Variants in DNAH6 observed in about 807,000 individuals in gnomAD.
DNAH6 encodes dynein axonemal heavy chain 6, also known as axonemal beta dynein heavy chain 6.
In DNAH6, 340 loss-of-function variants were observed where a neutral mutation model predicts 491.4. That is an observed-to-expected ratio of 0.69 (90% confidence interval 0.63 to 0.76). DNAH6 has a LOEUF of 0.76. Among genes scored for constraint, DNAH6 ranks in the 30% least tolerant of loss-of-function variants. The pLI is 0.00. For missense variants in DNAH6, 4,443 were observed against 4,972.2 expected, an observed-to-expected ratio of 0.89 and a Z score of 3.20; for synonymous variants, 1,603 against 1,686.1, an observed-to-expected ratio of 0.95 and a Z score of 1.21.
intron 29 of DNAH6, among the ~76,000 whole-genome samples, chr2:84,628,043 C>T (rs1458062853): frequency 3.3e-5 from 5 of 152,108 alleles, no homozygotes; most frequent in Non-Finnish European, 7.4e-5. Context: ...TCTAGAACCT[C>T]GCCAAGAAAA....
At chr2:84,730,562 AT>A (rs1391825909) in intron 61 of DNAH6, among the ~76,000 whole-genome samples, 1 of 151,646 alleles carries the variant, frequency 6.6e-6, no homozygotes, top group Non-Finnish European at 1.5e-5. Context: ...TAAAAAAAAA[AT>A]CTCAAAAAAA....
At chr2:84,813,895 G>T (rs983319054) in intron 74 of DNAH6, 76 bp from the exon 75 acceptor site, 4 of 1,474,992 alleles carry the variant, frequency 2.7e-6, no homozygotes, top group Non-Finnish European at 3.7e-6. Flanking sequence ...GGGCAGCCTG[G>T]TTTGGATGAA....
chr2:84,770,383 A>G (rs1000671589), intron 64 of DNAH6, among the ~76,000 whole-genome samples: 1 of 152,196 alleles, frequency 6.6e-6, no homozygotes, highest in African/African-American at 2.4e-5. Flanking sequence ...AATGCCAGAC[A>G]TTGGGCTTAC....
chr2:84,483,025 A>G, the DNAH6 span, among the ~76,000 whole-genome samples: 1 of 150,674 alleles, frequency 6.6e-6, no homozygotes. Flanking sequence ...CAGTGGTATG[A>G]TCATAGCTCA....
chr2:84,806,903 G>A (rs753470436), intron 71 of DNAH6, among the ~76,000 whole-genome samples: 1 of 152,142 alleles, frequency 6.6e-6, no homozygotes, highest in Non-Finnish European at 1.5e-5. Context: ...GAATTCTGTT[G>A]TTGAAGCAAA....
intron 14 of DNAH6, among the ~76,000 whole-genome samples, chr2:84,583,508 A>G (rs904451386): frequency 2.0e-5 from 3 of 152,224 alleles, no homozygotes; most frequent in Non-Finnish European, 2.9e-5. Context: ...TGACCGTAAC[A>G]TTATAATACA....
intron 4 of DNAH6, among the ~76,000 whole-genome samples, chr2:84,534,277 A>AAG (rs1260883507): frequency 6.6e-6 from 1 of 152,088 alleles, no homozygotes; most frequent in African/African-American, 2.4e-5. Flanking sequence ...TTAAAAAAAA[A>AAG]CACAATCGCT....
chr2:84,578,171 T>G (rs949911399), intron 13 of DNAH6, among the ~76,000 whole-genome samples: 1 of 152,162 alleles, frequency 6.6e-6, no homozygotes, highest in Non-Finnish European at 1.5e-5. Context: ...TAGAGCACTG[T>G]ATAAAAAAGA....
intron 70 of DNAH6, among the ~76,000 whole-genome samples, chr2:84,799,984 G>A (rs1678735958): frequency 6.6e-6 from 1 of 152,182 alleles, no homozygotes; most frequent in Non-Finnish European, 1.5e-5. Flanking sequence ...ATGCTTCTCT[G>A]TTGCCTCCAC....
intron 41 of DNAH6, among the ~76,000 whole-genome samples, chr2:84,679,089 A>G (rs1303860581): frequency 6.8e-6 from 1 of 147,802 alleles, no homozygotes; most frequent in Non-Finnish European, 1.5e-5. Context: ...GAGCAAAATC[A>G]ATAAAGTAAA....
the DNAH6 span, among the ~76,000 whole-genome samples, chr2:84,507,359 T>C: frequency 6.6e-6 from 1 of 152,236 alleles, no homozygotes; most frequent in Non-Finnish European, 1.5e-5. Context: ...AAGATTTGGC[T>C]CTCTGTTTGT....
intron 61 of DNAH6, among the ~76,000 whole-genome samples, chr2:84,731,897 A>G (rs1303968647): frequency 1.3e-5 from 2 of 152,214 alleles, no homozygotes; most frequent in East Asian, 1.9e-4. Context: ...GGAGAAATTT[A>G]TATCCCCAAG....
At chr2:84,732,520 C>T (rs1211653868) in intron 61 of DNAH6, among the ~76,000 whole-genome samples, 1 of 152,068 alleles carries the variant, frequency 6.6e-6, no homozygotes, top group African/African-American at 2.4e-5. Flanking sequence ...CTAAGACGTC[C>T]GTCACAAAAG....
At chr2:84,493,561 A>C in the DNAH6 span, among the ~76,000 whole-genome samples, 1 of 152,210 alleles carries the variant, frequency 6.6e-6, no homozygotes, top group East Asian at 1.9e-4. Flanking sequence ...AGCTTTCAAA[A>C]CTCAACAAAT....
At chr2:84,802,153 G>A (rs868523302) in intron 70 of DNAH6, among the ~76,000 whole-genome samples, 3 of 152,000 alleles carry the variant, frequency 2.0e-5, no homozygotes, top group Non-Finnish European at 4.4e-5. Context: ...CTACACAATC[G>A]GGACTACAAA....
At chr2:84,776,232 A>T (rs1429599441) in intron 64 of DNAH6, among the ~76,000 whole-genome samples, 1 of 152,224 alleles carries the variant, frequency 6.6e-6, no homozygotes. Flanking sequence ...GGAGCCAGGA[A>T]GTTATATAAG....
intron 58 of DNAH6, among the ~76,000 whole-genome samples, chr2:84,716,570 C>T (rs1558952151): frequency 6.6e-6 from 1 of 152,298 alleles, no homozygotes; most frequent in East Asian, 1.9e-4. Flanking sequence ...CAGCTGCTAA[C>T]TTGCTTACCT....
chr2:84,589,268 C>T (rs1683865615), intron 16 of DNAH6, among the ~76,000 whole-genome samples: 1 of 152,190 alleles, frequency 6.6e-6, no homozygotes. Flanking sequence ...ATTAAAACCA[C>T]ACTATCCTTT....
chr2:84,777,497 G>C (rs1214256445), intron 64 of DNAH6: 1 of 709,102 alleles, frequency 1.4e-6, no homozygotes, highest in East Asian at 2.6e-5. Context: ...TGCCACAGAG[G>C]GTCCAATGTC....
Sources: gnomAD v4.1 joint callset for allele counts (sites outside exome capture counted in the v4.1 genomes callset) on GRCh38, gnomAD v4.1.1 for gene constraint, MANE v1.5 for transcripts, NCBI Gene and HGNC (gene_info 2026-07-23, HGNC 2026-07-21) for gene names.